C10orf67: variants seen among roughly 807,000 people sequenced by gnomAD.
The protein encoded by C10orf67 is uncharacterized protein C10orf67, mitochondrial.
Under a neutral mutation model 35.6 loss-of-function variants are expected in C10orf67, and 60 were observed. The ratio of observed to expected loss-of-function variants is 1.68; its 90% CI spans 1.37 to 2.09. The LOEUF (loss-of-function observed/expected upper bound fraction) is 2.09, where lower values mean the gene tolerates loss of function less well. C10orf67 is among the 30% of genes most tolerant of loss of function. The pLI is 0.00. For synonymous variants in C10orf67, 167 were observed against 115.8 expected, an observed-to-expected ratio of 1.44 and a Z score of -2.84; for missense variants, 474 against 330.2, an observed-to-expected ratio of 1.44 and a Z score of -3.38.
chr10:23,320,027 C>T (rs551310196), intron 4 of C10orf67, among the ~76,000 whole-genome samples: 23 of 152,218 alleles, frequency 1.5e-4, no homozygotes, highest in Admixed American at 3.9e-4. Flanking sequence ...TTGTTAATTA[C>T]GTACCAGTCA....
rs116947955 is a variant in C10orf67 at position 23,270,881 on chromosome 10, C to T, written c.976-3627G>A. 3.7e-3 allele frequency among the ~76,000 whole-genome samples: 569 copies of T among 152,326 alleles called. 1 individual carries two copies. Among genetic ancestry groups the T allele is most frequent in the Non-Finnish European group, 5.3e-3 (358 of 68,020 alleles). On this transcript the variant is annotated intron_variant, in intron 8 of 15. Transcript: ENST00000636213. The stretch of plus-strand genomic sequence containing the variant: ...TCCAGCTCTCCTCACTGGGTGGGGC[C>T]TCCCTGCAGGAATTTCAGCAACTCC...
At chr10:23,206,783 A>G (rs1166433583) in intron 15 of C10orf67, among the ~76,000 whole-genome samples, 2 of 152,184 alleles carry the variant, frequency 1.3e-5, no homozygotes, top group Non-Finnish European at 2.9e-5. Context: ...ACAAAGTTTC[A>G]ATGAAAAATT....
At chr10:23,248,095 T>C (rs1351127597) in intron 12 of C10orf67, among the ~76,000 whole-genome samples, 3 of 152,148 alleles carry the variant, frequency 2.0e-5, no homozygotes, top group South Asian at 2.1e-4. Flanking sequence ...ACCTCTTCCA[T>C]ATATGCAAGC....
At chr10:23,297,168 T>C (rs1353391790) in intron 5 of C10orf67, among the ~76,000 whole-genome samples, 1 of 152,136 alleles carries the variant, frequency 6.6e-6, no homozygotes, top group Non-Finnish European at 1.5e-5. Context: ...GCATTTCTAA[T>C]GGAGGGTCCT....
chr10:23,291,948 T>C (rs1843730766), intron 5 of C10orf67, among the ~76,000 whole-genome samples: 1 of 152,162 alleles, frequency 6.6e-6, no homozygotes, highest in African/African-American at 2.4e-5. Context: ...TTAATGCTAT[T>C]GAAGACTTTG....
At chr10:23,336,205 A>G (rs1463829414) in intron 1 of C10orf67, among the ~76,000 whole-genome samples, 5 of 152,214 alleles carry the variant, frequency 3.3e-5, no homozygotes, top group Non-Finnish European at 7.3e-5. Context: ...CAAGTTTTTC[A>G]GTTCTAGGAA....
chr10:23,335,741 A>T (rs1173520614), intron 1 of C10orf67, among the ~76,000 whole-genome samples: 1 of 152,248 alleles, frequency 6.6e-6, no homozygotes, highest in East Asian at 1.9e-4. Flanking sequence ...ACAGTAAACA[A>T]GTAAATAAAA....
At chr10:23,323,498 A>T (rs1564513241) in intron 2 of C10orf67, among the ~76,000 whole-genome samples, 3 of 152,000 alleles carry the variant, frequency 2.0e-5, no homozygotes, top group African/African-American at 7.2e-5. Context: ...TAAAAAAAAA[A>T]TTTATTCTCT....
Position 23,266,244 on chromosome 10 carries a change from C to A in C10orf67, c.1200+18G>T. ...CAGAGGAAGGTGGACAGGGTGTGGT[C>A]ATGGAAGCAGTTCTTACCACAGCTT... On this transcript the variant is annotated intron_variant, in intron 10 of 15. Transcript: ENST00000636213. The A allele has an allele frequency of 5.0e-6, 2 of 398,434 alleles. No individual in the cohort carries two copies. The highest frequency in any genetic ancestry group is 2.6e-4 in the South Asian group (2 of 7,758). 24.7% of individuals were successfully genotyped at this position (398,434 alleles called of 1,614,324 possible). A position where few individuals can be genotyped will look rare whatever the true frequency, so the allele number is the denominator to read the frequency against.
intron 1 of C10orf67, among the ~76,000 whole-genome samples, chr10:23,342,414 G>A (rs771474416): frequency 2.0e-5 from 3 of 152,174 alleles, no homozygotes; most frequent in African/African-American, 4.8e-5. Flanking sequence ...TGTGGACCAC[G>A]TTCAGCACCT....
intron 10 of C10orf67, among the ~76,000 whole-genome samples, chr10:23,253,707 T>C (rs1842525299): frequency 6.6e-6 from 1 of 152,220 alleles, no homozygotes; most frequent in South Asian, 2.1e-4. Context: ...AAAATTAGTT[T>C]CAATTTTTAA....
chr10:23,336,351 A>G (rs923932174), intron 1 of C10orf67, among the ~76,000 whole-genome samples: 7 of 152,156 alleles, frequency 4.6e-5, no homozygotes, highest in Non-Finnish European at 1.0e-4. Flanking sequence ...AGGTGTATAT[A>G]TGTGTGCACA....
At chr10:23,325,852 A>G (rs1845174585) in intron 2 of C10orf67, among the ~76,000 whole-genome samples, 1 of 152,162 alleles carries the variant, frequency 6.6e-6, no homozygotes, top group Non-Finnish European at 1.5e-5. Context: ...GGAAATATCA[A>G]CAAACAGAAA....
chr10:23,313,831 G>C (rs1347246741), intron 4 of C10orf67, among the ~76,000 whole-genome samples: 2 of 152,114 alleles, frequency 1.3e-5, no homozygotes, highest in African/African-American at 4.8e-5. Flanking sequence ...TAAAGGCATG[G>C]AGGAAACACT....
chr10:23,251,429 C>A (rs896644975), intron 10 of C10orf67, among the ~76,000 whole-genome samples: 1 of 152,200 alleles, frequency 6.6e-6, no homozygotes, highest in Non-Finnish European at 1.5e-5. Context: ...GATCTACCAA[C>A]TGAATCACAG....
chr10:23,320,551 T>C (rs1472274125), intron 4 of C10orf67, among the ~76,000 whole-genome samples, 190 bp downstream of exon 4: 1 of 152,172 alleles, frequency 6.6e-6, no homozygotes, highest in Non-Finnish European at 1.5e-5. Flanking sequence ...ATTTTCCAGT[T>C]TCTGGAAAGC....
rs762881902 is a variant in C10orf67 at position 23,218,846 on chromosome 10, A to G, written c.1570+4752T>C. ...AATATTATAAAATGTGCACTTGAATATGAATCTGAAAACCTTAACAAATTA... is the reference window on the plus strand; with the variant it reads ...AATATTATAAAATGTGCACTTGAATGTGAATCTGAAAACCTTAACAAATTA... On this transcript the variant is annotated intron_variant, in intron 15 of 15. Transcript: ENST00000636213. 7.5e-4 allele frequency among the ~76,000 whole-genome samples: 114 copies of G among 152,224 alleles called. 1 individual carries two copies. Among genetic ancestry groups the G allele is most frequent in the Admixed American group, 2.6e-4 (4 of 15,282 alleles).
intron 4 of C10orf67, among the ~76,000 whole-genome samples, chr10:23,313,791 A>G (rs1242390608): frequency 6.6e-6 from 1 of 152,198 alleles, no homozygotes; most frequent in African/African-American, 2.4e-5. Context: ...AGGACCTTCT[A>G]AGCCATGCTA....
intron 15 of C10orf67, among the ~76,000 whole-genome samples, chr10:23,210,221 G>A (rs573102340): frequency 1.3e-5 from 2 of 152,092 alleles, no homozygotes; most frequent in African/African-American, 4.8e-5. Context: ...CCTCAAGCAG[G>A]TTCACATCAA....
Sources: gnomAD v4.1 joint callset for allele counts (sites outside exome capture counted in the v4.1 genomes callset) on GRCh38, gnomAD v4.1.1 for gene constraint, MANE v1.5 for transcripts, NCBI Gene and HGNC (gene_info 2026-07-23, HGNC 2026-07-21) for gene names.